Variants in ARHGEF33 observed in about 807,000 individuals in gnomAD.
The protein encoded by ARHGEF33 is DH and coiled-coil domain-containing protein ENSP00000381780.
A neutral mutation model predicts 101.9 loss-of-function variants in ARHGEF33; 72 were observed. The ratio of observed to expected loss-of-function variants is 0.71; its 90% CI spans 0.58 to 0.86. The LOEUF (loss-of-function observed/expected upper bound fraction) is 0.86, where lower values mean the gene tolerates loss of function less well. ARHGEF33 is among the 40% of genes least tolerant of loss of function. The pLI, the probability that ARHGEF33 is intolerant of heterozygous loss-of-function variation, is 0.00. For missense variants in ARHGEF33, 1,169 were observed against 1,111.3 expected (o/e 1.05, Z -0.74); for synonymous variants, 499 against 442.5 (o/e 1.13, Z -1.60).
chr2:38,897,075 C>A (rs1666138068), intron 2 of ARHGEF33, among the ~76,000 whole-genome samples: 1 of 152,076 alleles, frequency 6.6e-6, no homozygotes, highest in African/African-American at 2.4e-5. Context: ...ACCACCGCAC[C>A]CAGCTAATTT....
intron 9 of ARHGEF33, among the ~76,000 whole-genome samples, chr2:38,939,317 G>T (rs1031671971): frequency 6.6e-6 from 1 of 152,174 alleles, no homozygotes; most frequent in Non-Finnish European, 1.5e-5. Context: ...GTGGGGGGAT[G>T]TATGCCCTCA....
intron 17 of ARHGEF33, among the ~76,000 whole-genome samples, chr2:38,969,180 C>A (rs1312138969): frequency 6.6e-6 from 1 of 152,282 alleles, no homozygotes; most frequent in Non-Finnish European, 1.5e-5. Context: ...ACATTCAGCC[C>A]ATTTTCCTCC....
chr2:38,896,266 G>A (rs1666120763), intron 2 of ARHGEF33, among the ~76,000 whole-genome samples: 3 of 152,176 alleles, frequency 2.0e-5, no homozygotes, highest in Admixed American at 2.0e-4. Flanking sequence ...AGCCTCCCGA[G>A]TAGCTGGGAT....
At chr2:38,934,479 G>A (rs1438153526) in intron 7 of ARHGEF33, among the ~76,000 whole-genome samples, 1 of 43,286 alleles carries the variant, frequency 2.3e-5, no homozygotes, top group African/African-American at 1.1e-4. Flanking sequence ...TCTTCCTCCC[G>A]CTTCTCTCCC....
intron 4 of ARHGEF33, among the ~76,000 whole-genome samples, chr2:38,922,071 T>C (rs1276159295): frequency 6.6e-6 from 1 of 152,180 alleles, no homozygotes; most frequent in Non-Finnish European, 1.5e-5. Flanking sequence ...GTTTTGGTCC[T>C]CTAAGTGGTA....
At chr2:38,912,385 G>T (rs1666528434) in intron 2 of ARHGEF33, among the ~76,000 whole-genome samples, 1 of 152,026 alleles carries the variant, frequency 6.6e-6, no homozygotes, top group Non-Finnish European at 1.5e-5. Flanking sequence ...GATCTCAAAG[G>T]GACTTTCATA....
At chr2:38,899,304 A>T (rs1558422260) in intron 2 of ARHGEF33, among the ~76,000 whole-genome samples, 1 of 152,190 alleles carries the variant, frequency 6.6e-6, no homozygotes, top group Non-Finnish European at 1.5e-5. Context: ...ATTGCTGAAA[A>T]TTAAGTAAAA....
chr2:38,975,348 T>C lies in ARHGEF33; in HGVS notation c.*1505T>C, dbSNP rs1223723019. 1 of 152,220 alleles carries C rather than the reference T, an allele frequency of 6.6e-6. No homozygotes were observed. The highest frequency in any genetic ancestry group is 1.9e-4 in the East Asian group (1 of 5,204). The allele number at this position is 152,220 out of a possible 1,614,324, so 9.4% of individuals were successfully genotyped here. On this transcript the variant is annotated 3_prime_UTR_variant, in exon 18 of 18. Coordinates refer to ENST00000409978, the MANE Select transcript of ARHGEF33 (RefSeq NM_001145451.5). ...CATTTGAAATTAGATTTTTCTCTTA[T>C]TATGTGGCCGGCAGTGCTTGCAAGC...
chr2:38,951,422 C>G (rs917276158), intron 11 of ARHGEF33, among the ~76,000 whole-genome samples: 4 of 152,028 alleles, frequency 2.6e-5, no homozygotes, highest in Admixed American at 1.3e-4. Flanking sequence ...ATTGAATACG[C>G]ATGTCGATGT....
intron 1 of ARHGEF33, among the ~76,000 whole-genome samples, chr2:38,891,909 C>T (rs1666013864): frequency 6.6e-6 from 1 of 152,090 alleles, no homozygotes; most frequent in Non-Finnish European, 1.5e-5. Context: ...ACTTTGAATG[C>T]CCCAAATAAG....
chr2:38,948,338 C>T (rs755506478), intron 10 of ARHGEF33, among the ~76,000 whole-genome samples: 2 of 152,178 alleles, frequency 1.3e-5, no homozygotes, highest in African/African-American at 4.8e-5. Flanking sequence ...CACTGTAGGT[C>T]ATTGTTTTTC....
At position 38,960,016 on chromosome 2, in the gene ARHGEF33, C is replaced by A; in HGVS notation, c.1711C>A (p.Pro571Thr). Residue 571 changes from proline (P) to threonine (T), a missense_variant, in exon 16 of 18, where the codon CCC (proline) becomes ACC (threonine). By Grantham distance (38) the Pro-to-Thr change is conservative (BLOSUM62 -1). Transcript: ENST00000409978. ...GCAGGACGTGAAGGCGCTGGCCGGG[C>A]CCCTGCAGGCCATCCCGGAGATGGA... Reference protein sequence around the residue: ...AEQDVKALAGPLQAIPEMDFE... With the variant: ...AEQDVKALAGTLQAIPEMDFE... The A allele has an allele frequency of 2.6e-6, 4 of 1,547,340 alleles. No homozygotes were observed. Among genetic ancestry groups the A allele is most frequent in the Non-Finnish European group, 3.5e-6 (4 of 1,144,724 alleles).
chr2:38,903,993 T>A (rs1296610419), intron 2 of ARHGEF33, among the ~76,000 whole-genome samples: 1 of 152,242 alleles, frequency 6.6e-6, no homozygotes, highest in Non-Finnish European at 1.5e-5. Flanking sequence ...ATATCCTATG[T>A]ACCAGGGATA....
intron 2 of ARHGEF33, among the ~76,000 whole-genome samples, chr2:38,913,263 GTAGA>G (rs1349955344): frequency 6.6e-6 from 1 of 152,136 alleles, no homozygotes; most frequent in Non-Finnish European, 1.5e-5. Context: ...GAAAAGCTGC[GTAGA>G]TAAATTTCTT....
chr2:38,960,175 G>T lies in ARHGEF33; in HGVS notation c.1870G>T (p.Ala624Ser), dbSNP rs780127465. Residue 624 changes from alanine (A) to serine (S), a missense_variant, in exon 16 of 18, where the codon GCG becomes TCG. By Grantham distance (99) the Ala-to-Ser change is moderately conservative (BLOSUM62 1). Coordinates refer to ENST00000409978, the MANE Select transcript of ARHGEF33 (RefSeq NM_001145451.5). ...GTTCGAGTACGGCGGCGAGATCTTC[G>T]CGCTGCCCGCGCCCTACGACGAGGA... ...EEFEYGGEIF[A>S]LPAPYDEEPF... 31 of 1,542,766 alleles carry T rather than the reference G, an allele frequency of 2.0e-5. No individual in the cohort carries two copies. Among genetic ancestry groups the T allele is most frequent in the Non-Finnish European group, 4.4e-6 (5 of 1,144,612 alleles).
intron 2 of ARHGEF33, among the ~76,000 whole-genome samples, chr2:38,909,701 GGAT>G (rs1438531775): frequency 4.4e-5 from 5 of 114,314 alleles, no homozygotes; most frequent in African/African-American, 1.4e-4. Context: ...ATGTATTCAA[GGAT>G]GATTTTTTTT....
chr2:38,960,662 G>C lies in ARHGEF33; in HGVS notation c.2343+14G>C, dbSNP rs1353920111. 7 of 1,395,112 alleles carry C rather than the reference G, an allele frequency of 5.0e-6. No homozygotes were observed. In the South Asian group the frequency reaches 9.2e-5, roughly 18 times the overall value. The allele number at this position is 1,395,112 out of a possible 1,614,324, so 86.4% of individuals were successfully genotyped here. ...GAAGTAAGGAGGGTAAAGTAAAACCGAACCGAAACCCACAGCGTCGACGGC... is the reference window on the plus strand; with the variant it reads ...GAAGTAAGGAGGGTAAAGTAAAACCCAACCGAAACCCACAGCGTCGACGGC... On this transcript the variant is annotated intron_variant, in intron 16 of 17. Transcript: ENST00000409978.
chr2:38,929,362 A>T (rs1666943478), intron 5 of ARHGEF33, among the ~76,000 whole-genome samples: 1 of 151,864 alleles, frequency 6.6e-6, no homozygotes, highest in African/African-American at 2.4e-5. Flanking sequence ...CAGGAAGTGG[A>T]GGTTGTAGTG....
At chr2:38,894,360 C>G (rs895562076) in intron 1 of ARHGEF33, among the ~76,000 whole-genome samples, 3 of 150,892 alleles carry the variant, frequency 2.0e-5, no homozygotes, top group African/African-American at 7.3e-5. Context: ...CTTTTGGGCT[C>G]TGGATAGCTT....
Sources: allele counts gnomAD v4.1 joint callset (sites outside exome capture counted in the v4.1 genomes callset), GRCh38; gene constraint gnomAD v4.1.1; transcripts MANE v1.5; gene names NCBI Gene and HGNC (gene_info 2026-07-23, HGNC 2026-07-21).